The following TRIM37 variants were observed in gnomAD, a reference collection of about 807,000 sequenced individuals.
The protein encoded by TRIM37 is tripartite motif containing 37.
A neutral mutation model predicts 129.8 loss-of-function variants in TRIM37; 80 were observed. The observed-to-expected ratio is 0.62, with a 90% CI of 0.51 to 0.74. TRIM37 has a LOEUF of 0.74. TRIM37 is among the 30% of genes least tolerant of loss of function. The pLI, the probability that TRIM37 is intolerant of heterozygous loss-of-function variation, is 0.00. For missense variants in TRIM37, 1,054 were observed against 1,176.5 expected (o/e 0.90, Z 1.52); for synonymous variants, 389 against 387.1 (o/e 1.00, Z -0.06).
At chr17:59,047,175 A>T (rs1357538415) in intron 16 of TRIM37, among the ~76,000 whole-genome samples, 2 of 152,052 alleles carry the variant, frequency 1.3e-5, no homozygotes, top group African/African-American at 4.8e-5. Context: ...AAAAAAAAAA[A>T]GTAACCCAGA....
At chr17:59,096,556 A>C (rs1017464131) in intron 2 of TRIM37, among the ~76,000 whole-genome samples, 1 of 141,340 alleles carries the variant, frequency 7.1e-6, no homozygotes, top group Admixed American at 7.1e-5. Context: ...TCTCAAAAAA[A>C]AAAAAACAAA....
At chr17:59,029,150 A>G (rs922508244) in intron 18 of TRIM37, among the ~76,000 whole-genome samples, 9 of 152,226 alleles carry the variant, frequency 5.9e-5, no homozygotes, top group African/African-American at 2.2e-4. Flanking sequence ...ATTTCTGGCC[A>G]GGTGCAGTGG....
At chr17:58,986,132 G>A (rs897860752) in intron 24 of TRIM37, among the ~76,000 whole-genome samples, 5 of 152,158 alleles carry the variant, frequency 3.3e-5, no homozygotes, top group Non-Finnish European at 7.3e-5. Flanking sequence ...ACAACTGTCT[G>A]TACTGACAAG....
the TRIM37 span, among the ~76,000 whole-genome samples, chr17:58,973,857 C>T: frequency 6.9e-6 from 1 of 144,602 alleles, no homozygotes; most frequent in South Asian, 2.2e-4. Flanking sequence ...GAGGTTGAGG[C>T]AGGAGAATCA....
At position 58,999,015 on chromosome 17, in the gene TRIM37, T is replaced by C; in HGVS notation, c.*362A>G. The C allele has an allele frequency of 6.2e-6, 7 of 1,125,780 alleles. No homozygotes were observed. The highest frequency in any genetic ancestry group is 2.2e-5 in the South Asian group (1 of 46,330). 69.7% of individuals were successfully genotyped at this position (1,125,780 alleles called of 1,614,324 possible). ...CTAGCCAAAGACAGTAGAGCACCAA[T>C]GCCGGGCGGGTTACTGACGGCATGC... is the stretch of plus-strand genomic sequence containing the variant. On this transcript the variant is annotated 3_prime_UTR_variant, in exon 24 of 24. Coordinates refer to ENST00000262294, the MANE Select transcript of TRIM37 (RefSeq NM_015294.6).
chr17:59,106,672 C>T lies in TRIM37; in HGVS notation c.-211G>A, dbSNP rs553467687. On this transcript the variant is annotated 5_prime_UTR_variant, in exon 1 of 24. Coordinates refer to ENST00000262294, the MANE Select transcript of TRIM37 (RefSeq NM_015294.6). ...GCCATTTTTACCGGCGCGCCCGCCC[C>T]GAGGCGCAGAAGTAGGGCGAACGGT... 1.6e-6 allele frequency: 1 copy of T among 628,730 alleles called. No individual in the cohort carries two copies. The highest frequency in any genetic ancestry group is 2.8e-5 in the East Asian group (1 of 36,256). 38.9% of individuals were successfully genotyped at this position (628,730 alleles called of 1,614,324 possible).
chr17:58,991,175 CA>C (rs71145510), intron 24 of TRIM37, among the ~76,000 whole-genome samples: 1,463 of 83,650 alleles, frequency 0.017, 17 homozygotes, highest in African/African-American at 0.058. Context: ...AACTCTGTCT[CA>C]AAAAAAAAAA....
At chr17:59,008,242 G>A (rs1362277954) in intron 22 of TRIM37, among the ~76,000 whole-genome samples, 1 of 152,132 alleles carries the variant, frequency 6.6e-6, no homozygotes, top group Non-Finnish European at 1.5e-5. Flanking sequence ...AATTACAAGG[G>A]TGTACTTCTG....
chr17:59,013,022 T>C (rs909686852), intron 21 of TRIM37, among the ~76,000 whole-genome samples: 4 of 152,182 alleles, frequency 2.6e-5, no homozygotes, highest in Non-Finnish European at 4.4e-5. Flanking sequence ...ACACAGGATC[T>C]CTCTGCATTA....
intron 2 of TRIM37, among the ~76,000 whole-genome samples, chr17:59,096,265 AC>A (rs944482276): frequency 1.1e-4 from 17 of 152,040 alleles, no homozygotes; most frequent in Non-Finnish European, 2.5e-4. Context: ...TAAAAAAAAA[AC>A]ATCAGCCGGG....
At chr17:58,974,579 C>T in the TRIM37 span, among the ~76,000 whole-genome samples, 1 of 152,132 alleles carries the variant, frequency 6.6e-6, no homozygotes, top group African/African-American at 2.4e-5. Flanking sequence ...CTTAGCTTCA[C>T]TTCCTGTTTT....
At chr17:58,984,191 G>T (rs1467541937) in intron 24 of TRIM37, 1 of 152,596 alleles carries the variant, frequency 6.6e-6, no homozygotes, top group Admixed American at 6.5e-5. Context: ...CTTTTCCAAG[G>T]ACAATGGCAA....
In TRIM37 at chr17:59,028,578, T is replaced by C; in HGVS notation, c.2094A>G (p.Glu698=). 1 of 1,614,248 alleles carries C rather than the reference T, an allele frequency of 6.2e-7. No individual in the cohort carries two copies. The highest frequency in any genetic ancestry group is 8.5e-7 in the Non-Finnish European group (1 of 1,180,052). The change falls in exon 19 of 24, where the codon GAA becomes GAG. Residue 698 remains glutamate (E), a synonymous_variant. Coordinates refer to ENST00000262294, the MANE Select transcript of TRIM37 (RefSeq NM_015294.6). ...CAGAAGCAGCACTGCTGCTTTTTAT[T>C]TCTGAAAGTGTATTCTTTACATCAG... ...MKTDVKNTLS[E]IKSSSAASGD... is the part of the protein sequence containing the mutation.
At chr17:59,104,753 C>G (rs2045837074) in intron 1 of TRIM37, among the ~76,000 whole-genome samples, 1 of 152,040 alleles carries the variant, frequency 6.6e-6, no homozygotes, top group African/African-American at 2.4e-5. Flanking sequence ...ACCAGAAATA[C>G]TTCTTCATCT....
At chr17:59,036,618 G>A (rs1035223928) in intron 17 of TRIM37, among the ~76,000 whole-genome samples, 1 of 151,982 alleles carries the variant, frequency 6.6e-6, no homozygotes, top group Non-Finnish European at 1.5e-5. Context: ...AAGTAGCCAG[G>A]ACTACAGCCA....
At chr17:58,980,136 A>G (rs768456415), downstream of TRIM37, 12 of 1,614,000 alleles carry the variant, frequency 7.4e-6, no homozygotes, top group Middle Eastern at 1.6e-4. The surrounding 1 kb of genome is among the most constrained non-coding windows in gnomAD (Gnocchi z 4.7). Context: ...AAAGAGAATA[A>G]TGGAGACAGC....
intron 22 of TRIM37, among the ~76,000 whole-genome samples, chr17:59,008,344 G>A (rs1380275711): frequency 6.6e-6 from 1 of 152,188 alleles, no homozygotes; most frequent in Non-Finnish European, 1.5e-5. Context: ...AAGATAAAAT[G>A]TGTTACTGAA....
chr17:59,042,738 G>C (rs2039390233), intron 16 of TRIM37, among the ~76,000 whole-genome samples: 2 of 151,540 alleles, frequency 1.3e-5, no homozygotes, highest in Admixed American at 1.3e-4. Flanking sequence ...ACTTCAGCCT[G>C]GACGACAGAG....
chr17:59,022,239 C>T (rs1567998963), intron 19 of TRIM37, among the ~76,000 whole-genome samples: 2 of 152,010 alleles, frequency 1.3e-5, no homozygotes, highest in Admixed American at 6.6e-5. Flanking sequence ...AAACTGAATA[C>T]AGCAGTGTTT....
Sources: allele counts gnomAD v4.1 joint callset (sites outside exome capture counted in the v4.1 genomes callset), GRCh38; gene constraint gnomAD v4.1.1; non-coding constraint Gnocchi (gnomAD v3.1); transcripts MANE v1.5; gene names NCBI Gene and HGNC (gene_info 2026-07-23, HGNC 2026-07-21).